The following CUX2 variants were observed in gnomAD, a reference collection of about 807,000 sequenced individuals.
CUX2 encodes the protein homeobox protein cut-like 2.
Under a neutral mutation model 144.8 loss-of-function variants are expected in CUX2, and 40 were observed. The observed-to-expected ratio is 0.28, with a 90% confidence interval of 0.21 to 0.36. The LOEUF is 0.36. Among genes scored for constraint, CUX2 ranks in the 10% least tolerant of loss-of-function variants. The pLI is 1.00. For synonymous variants in CUX2, 827 were observed against 875.6 expected (o/e 0.94, Z 0.98); for missense variants, 1,615 against 1,994.0 (o/e 0.81, Z 3.62).
At chr12:111,331,044 T>C (rs1459269469) in intron 18 of CUX2, among the ~76,000 whole-genome samples, 3 of 151,312 alleles carry the variant, frequency 2.0e-5, no homozygotes, top group Admixed American at 6.6e-5. Flanking sequence ...AGCAAAGACA[T>C]AGGGGCTTAG....
At chr12:111,305,328 T>C (rs186631366) in intron 10 of CUX2, among the ~76,000 whole-genome samples, 2 of 152,274 alleles carry the variant, frequency 1.3e-5, no homozygotes, top group East Asian at 3.9e-4. Context: ...CTTGCGAGCA[T>C]AATTTTCACT....
Position 111,336,533 on chromosome 12 carries a change from C to T in CUX2, c.3197-1753C>T, listed in dbSNP as rs1156365327. The stretch of plus-strand genomic sequence containing the variant: ...TACGATCTCAGCTCACTGCAACCTC[C>T]GCCTCCCAGGTTCAAGTGATTCTCC... On this transcript the variant is annotated intron_variant, in intron 19 of 21. Transcript: ENST00000261726. 4.6e-5 allele frequency among the ~76,000 whole-genome samples: 7 copies of T among 151,738 alleles called. No individual in the cohort carries two copies. In the East Asian group the frequency reaches 5.9e-4, roughly 13 times the overall value.
Position 111,338,491 on chromosome 12 carries a change from G to A in CUX2, c.3385+17G>A, listed in dbSNP as rs767241560. On this transcript the variant is annotated intron_variant, in intron 20 of 21. Coordinates refer to ENST00000261726, the MANE Select transcript of CUX2 (RefSeq NM_015267.4). Reference sequence around the variant, plus strand: ...AGAAGAAAGGTAAGACTTGGGCAGAGGATGGGCCCCAGCACTGGGTCTCAG... The same window carrying A: ...AGAAGAAAGGTAAGACTTGGGCAGAAGATGGGCCCCAGCACTGGGTCTCAG... The A allele has an allele frequency of 1.3e-5, 20 of 1,599,914 alleles. No individual in the cohort carries two copies. Among genetic ancestry groups the A allele is most frequent in the Non-Finnish European group, 1.5e-5 (18 of 1,170,722 alleles).
intron 3 of CUX2, among the ~76,000 whole-genome samples, chr12:111,242,387 A>C (rs1278263448): frequency 1.3e-5 from 2 of 152,238 alleles, no homozygotes; most frequent in African/African-American, 2.4e-5. Flanking sequence ...ATTCGTTCAC[A>C]TATTTCCTGC....
chr12:111,069,709 T>C (rs1404400837), intron 1 of CUX2, among the ~76,000 whole-genome samples: 1 of 152,068 alleles, frequency 6.6e-6, no homozygotes, highest in Non-Finnish European at 1.5e-5. Context: ...CATGTCTGTG[T>C]CTTAATCTCT....
chr12:111,088,343 C>T (rs1459511938), intron 1 of CUX2, among the ~76,000 whole-genome samples: 1 of 152,214 alleles, frequency 6.6e-6, no homozygotes, highest in Non-Finnish European at 1.5e-5. Context: ...CCTCCCTTCT[C>T]AGCCTCCCGA....
intron 1 of CUX2, among the ~76,000 whole-genome samples, chr12:111,114,809 T>TGTG: frequency 6.6e-6 from 1 of 152,276 alleles, no homozygotes; most frequent in East Asian, 1.9e-4. Context: ...TGTTTGGGTT[T>TGTG]GTGATCTGTC....
At chr12:111,076,756 C>T (rs776488755) in intron 1 of CUX2, among the ~76,000 whole-genome samples, 13 of 152,174 alleles carry the variant, frequency 8.5e-5, no homozygotes, top group African/African-American at 2.7e-4. Context: ...CCGTTGACTA[C>T]GGGCCCCAAA....
intron 21 of CUX2, among the ~76,000 whole-genome samples, chr12:111,344,021 C>G (rs1888690861): frequency 6.6e-6 from 1 of 152,202 alleles, no homozygotes. Context: ...CCACTGCACT[C>G]CAGCCTGGGT....
chr12:111,270,830 G>A (rs1484092001), intron 4 of CUX2, among the ~76,000 whole-genome samples: 1 of 152,036 alleles, frequency 6.6e-6, no homozygotes, highest in African/African-American at 2.4e-5. Flanking sequence ...TGGGGGGGAG[G>A]CTGATCAGGA....
intron 4 of CUX2, among the ~76,000 whole-genome samples, chr12:111,290,762 C>T (rs1885629783): frequency 6.6e-6 from 1 of 152,070 alleles, no homozygotes; most frequent in South Asian, 2.1e-4. Flanking sequence ...TGAGATCTTG[C>T]CATGCTGCAC....
chr12:111,272,670 G>A (rs1484261012), intron 4 of CUX2, among the ~76,000 whole-genome samples: 1 of 152,048 alleles, frequency 6.6e-6, no homozygotes, highest in Admixed American at 6.6e-5. Context: ...CACCATGTTG[G>A]TCAGGCTGGT....
intron 18 of CUX2, among the ~76,000 whole-genome samples, chr12:111,325,008 G>A (rs1316982803): frequency 2.0e-5 from 3 of 151,540 alleles, no homozygotes; most frequent in Non-Finnish European, 2.9e-5. Context: ...CATGCTGGCC[G>A]GGTGGGGTGC....
At position 111,320,394 on chromosome 12, in the gene CUX2, G is replaced by T. The variant is rs767898345; in HGVS notation, c.2385G>T (p.Leu795=). ...ACCACTGGGCCTCCGACCGCGGCCT[G>T]CTCAGCCGCCCCTACGCCTCCGTGT... ...FDHHWASDRG[L]LSRPYASVSP... Residue 795 remains leucine (L), a synonymous_variant, in exon 17 of 22, where the codon CTG becomes CTT. Coordinates refer to ENST00000261726, the MANE Select transcript of CUX2 (RefSeq NM_015267.4). The surrounding 1 kb of genome is among the most constrained non-coding windows in gnomAD (Gnocchi z 8.1). The T allele has an allele frequency of 1.2e-5, 19 of 1,597,774 alleles. No homozygotes were observed. The highest frequency in any genetic ancestry group is 1.4e-5 in the Non-Finnish European group (17 of 1,179,114).
chr12:111,338,855 C>T (rs569967859), intron 20 of CUX2, among the ~76,000 whole-genome samples: 2 of 152,094 alleles, frequency 1.3e-5, no homozygotes, highest in East Asian at 3.9e-4. Context: ...TGAATAGCCA[C>T]TGCACTCCAG....
intron 1 of CUX2, among the ~76,000 whole-genome samples, chr12:111,118,697 G>A (rs540907281): frequency 6.6e-6 from 1 of 152,236 alleles, no homozygotes; most frequent in Admixed American, 6.5e-5. Context: ...ATTCATCCTT[G>A]CAAACATGCT....
At chr12:111,321,978 T>A (rs374691923) in intron 17 of CUX2, among the ~76,000 whole-genome samples, 1 of 151,436 alleles carries the variant, frequency 6.6e-6, no homozygotes, top group South Asian at 2.1e-4. Flanking sequence ...GGCAGGCACC[T>A]ATGAGGAACA....
chr12:111,278,517 C>T (rs745741727), intron 4 of CUX2, among the ~76,000 whole-genome samples: 3 of 152,192 alleles, frequency 2.0e-5, no homozygotes, highest in Non-Finnish European at 4.4e-5. Context: ...CCATGGAAAA[C>T]TCTCAAACTC....
chr12:111,296,346 T>C (rs905774208), intron 7 of CUX2, 127 bp from the exon 8 acceptor site: 2 of 722,560 alleles, frequency 2.8e-6, no homozygotes, highest in African/African-American at 3.5e-5. Flanking sequence ...GAGAAAGATC[T>C]CCCTCACTAC....
Sources: allele counts gnomAD v4.1 joint callset (sites outside exome capture counted in the v4.1 genomes callset), GRCh38; gene constraint gnomAD v4.1.1; non-coding constraint Gnocchi (gnomAD v3.1); transcripts MANE v1.5; gene names NCBI Gene and HGNC (gene_info 2026-07-23, HGNC 2026-07-21).